Variants in NELL1 observed in about 807,000 individuals in gnomAD.
NELL1 encodes protein kinase C-binding protein NELL1.
In NELL1, 76 loss-of-function variants were observed where a neutral mutation model predicts 107.4. That is an observed-to-expected ratio of 0.71 (90% confidence interval 0.59 to 0.86). NELL1 has a LOEUF of 0.86. Ranked by LOEUF, NELL1 falls within the 40% of genes least tolerant of loss-of-function variation. The probability of loss-of-function intolerance (pLI) is 0.00; values close to 1 mark genes in which losing one functional copy is unlikely to be tolerated. For missense variants in NELL1, 1,024 were observed against 1,005.5 expected (o/e 1.02, Z -0.25); for synonymous variants, 353 against 341.2 (o/e 1.03, Z -0.38).
At chr11:20,859,664 T>C (rs1213691131) in intron 4 of NELL1, among the ~76,000 whole-genome samples, 2 of 152,230 alleles carry the variant, frequency 1.3e-5, no homozygotes, top group Non-Finnish European at 2.9e-5. Context: ...ATTGAAGGTC[T>C]CATTATAAAC....
At chr11:20,910,073 TG>T (rs1564962308) in intron 5 of NELL1, among the ~76,000 whole-genome samples, 2 of 152,154 alleles carry the variant, frequency 1.3e-5, no homozygotes, top group Admixed American at 6.6e-5. Flanking sequence ...TGCCTGTAGC[TG>T]GCTGGTGGAG....
In NELL1 at chr11:21,512,570, C is replaced by T. The variant is rs150352941; in HGVS notation, c.1646-21804C>T. Reference sequence around the variant, plus strand: ...CTGAGAGCCAGGAGAGGGTCTAATTCAACTTTGTGCCCCTAGTAAGAAAGG... The same window carrying T: ...CTGAGAGCCAGGAGAGGGTCTAATTTAACTTTGTGCCCCTAGTAAGAAAGG... On this transcript the variant is annotated intron_variant, in intron 15 of 19. Transcript: ENST00000357134. 5.3e-3 allele frequency among the ~76,000 whole-genome samples: 814 copies of T among 152,190 alleles called. 20 individuals carry two copies. The highest frequency in any genetic ancestry group is 0.034 in the East Asian group (177 of 5,178).
intron 15 of NELL1, among the ~76,000 whole-genome samples, chr11:21,392,840 T>C (rs1044340932): frequency 1.3e-5 from 2 of 149,456 alleles, no homozygotes; most frequent in African/African-American, 4.8e-5. Context: ...AAGATAGACA[T>C]TTCCCCTTTG....
chr11:21,128,086 G>T (rs7938558), intron 13 of NELL1, among the ~76,000 whole-genome samples: 40,846 of 151,972 alleles, frequency 0.27, 5,953 homozygotes, highest in African/African-American at 0.37. Context: ...GACTCCTGGA[G>T]GGGAGCATCT....
chr11:20,891,227 A>G (rs1482295152), intron 5 of NELL1, among the ~76,000 whole-genome samples: 2 of 152,194 alleles, frequency 1.3e-5, no homozygotes, highest in Non-Finnish European at 2.9e-5. Flanking sequence ...TAAAGAAAAG[A>G]ATTTTCAACC....
intron 3 of NELL1, among the ~76,000 whole-genome samples, chr11:20,807,318 C>T (rs1461963461): frequency 1.3e-5 from 2 of 152,212 alleles, no homozygotes; most frequent in Admixed American, 1.3e-4. Flanking sequence ...AGAGGTACCA[C>T]CTTGGTGGTT....
intron 13 of NELL1, among the ~76,000 whole-genome samples, chr11:21,155,447 C>G (rs1175817050): frequency 6.6e-6 from 1 of 152,012 alleles, no homozygotes; most frequent in African/African-American, 2.4e-5. Context: ...GAGAATAGAA[C>G]TCTAGGTAAA....
chr11:21,200,040 T>A (rs769324727), intron 13 of NELL1, among the ~76,000 whole-genome samples: 2 of 152,188 alleles, frequency 1.3e-5, no homozygotes, highest in Non-Finnish European at 2.9e-5. Context: ...TTATCCAGTC[T>A]ATCATTGATG....
At chr11:20,878,457 C>G (rs1448101662) in intron 4 of NELL1, among the ~76,000 whole-genome samples, 2 of 150,136 alleles carry the variant, frequency 1.3e-5, no homozygotes, top group East Asian at 4.0e-4. Context: ...TCTGATTTCT[C>G]TGTTAGTGAG....
intron 15 of NELL1, among the ~76,000 whole-genome samples, chr11:21,510,093 T>C (rs928695556): frequency 3.3e-5 from 5 of 152,206 alleles, no homozygotes; most frequent in African/African-American, 1.2e-4. Context: ...TTGAGTTGAA[T>C]GGCAAGACCT....
intron 10 of NELL1, among the ~76,000 whole-genome samples, chr11:20,943,977 T>C (rs986664270): frequency 1.3e-5 from 2 of 152,200 alleles, no homozygotes; most frequent in Admixed American, 1.3e-4. Context: ...TAATGGATAT[T>C]GTCAGCAGAG....
chr11:20,888,064 A>T (rs1051535207), intron 5 of NELL1, among the ~76,000 whole-genome samples: 1 of 152,198 alleles, frequency 6.6e-6, no homozygotes, highest in African/African-American at 2.4e-5. Context: ...AGGCCCAGAG[A>T]TAGTTGAACT....
intron 15 of NELL1, among the ~76,000 whole-genome samples, chr11:21,460,014 C>A (rs1006519835): frequency 2.0e-5 from 3 of 151,982 alleles, no homozygotes; most frequent in Non-Finnish European, 4.4e-5. Flanking sequence ...ACTTATCTAA[C>A]CTCATAGACA....
chr11:21,337,726 T>C (rs1294320024), intron 14 of NELL1, among the ~76,000 whole-genome samples: 3 of 148,710 alleles, frequency 2.0e-5, no homozygotes, highest in Admixed American at 6.7e-5. Flanking sequence ...TTCATTCTTT[T>C]CTTTCTTTCC....
chr11:21,537,234 A>C (rs1454443245), intron 16 of NELL1, among the ~76,000 whole-genome samples: 1 of 152,102 alleles, frequency 6.6e-6, no homozygotes, highest in Non-Finnish European at 1.5e-5. Context: ...TCAGATAATG[A>C]CACTTTCTTC....
At chr11:21,489,815 A>G (rs138656234) in intron 15 of NELL1, among the ~76,000 whole-genome samples, 3 of 152,278 alleles carry the variant, frequency 2.0e-5, no homozygotes, top group Non-Finnish European at 2.9e-5. Context: ...CATGCCATAT[A>G]TGACAAACCC....
chr11:21,502,378 A>C (rs1306175162), intron 15 of NELL1, among the ~76,000 whole-genome samples: 1 of 152,278 alleles, frequency 6.6e-6, no homozygotes, highest in South Asian at 2.1e-4. Context: ...TCATTGCAAA[A>C]TGCTGCAGAA....
At chr11:20,916,650 G>T (rs1030604534) in intron 5 of NELL1, among the ~76,000 whole-genome samples, 1 of 151,816 alleles carries the variant, frequency 6.6e-6, no homozygotes, top group Non-Finnish European at 1.5e-5. Flanking sequence ...GTCCTGGTTT[G>T]CCTAGGAGCC....
chr11:20,758,723 A>G (rs2133954851), intron 2 of NELL1, among the ~76,000 whole-genome samples: 1 of 152,284 alleles, frequency 6.6e-6, no homozygotes, highest in Admixed American at 6.5e-5. Context: ...TGTGCATTGT[A>G]GATGTTTAGC....
Sources: allele counts gnomAD v4.1 joint callset (sites outside exome capture counted in the v4.1 genomes callset), GRCh38; gene constraint gnomAD v4.1.1; transcripts MANE v1.5; gene names NCBI Gene and HGNC (gene_info 2026-07-23, HGNC 2026-07-21).